Variants in CADPS observed in about 807,000 individuals in gnomAD.
CADPS encodes the protein calcium-dependent secretion activator 1.
Under a neutral mutation model 167.3 loss-of-function variants are expected in CADPS, and 57 were observed. The ratio of observed to expected loss-of-function variants is 0.34; its 90% CI spans 0.28 to 0.42. The LOEUF (loss-of-function observed/expected upper bound fraction) is 0.42, where lower values mean the gene tolerates loss of function less well. Among genes scored for constraint, CADPS ranks in the 20% least tolerant of loss-of-function variants. The probability of loss-of-function intolerance (pLI) is 1.00; values close to 1 mark genes in which losing one functional copy is unlikely to be tolerated. For synonymous variants in CADPS, 676 were observed against 635.3 expected, an observed-to-expected ratio of 1.06 and a Z score of -0.96; for missense variants, 1,414 against 1,738.1, an observed-to-expected ratio of 0.81 and a Z score of 3.32.
intron 3 of CADPS, among the ~76,000 whole-genome samples, chr3:62,701,019 C>A (rs1353230714): frequency 6.6e-6 from 1 of 152,038 alleles, no homozygotes; most frequent in African/African-American, 2.4e-5. Context: ...CAAGAGAGCT[C>A]TCTGCTCTCT....
At chr3:62,705,502 A>C (rs1315253123) in intron 3 of CADPS, among the ~76,000 whole-genome samples, 3 of 152,056 alleles carry the variant, frequency 2.0e-5, no homozygotes, top group Non-Finnish European at 2.9e-5. Flanking sequence ...GGAGATTAAC[A>C]TTTGAGTCAG....
Position 62,827,024 on chromosome 3 carries a change from T to C in CADPS, c.441+47565A>G, listed in dbSNP as rs544426473. Among the ~76,000 whole-genome samples, 70 of 152,284 alleles carry C rather than the reference T, an allele frequency of 4.6e-4. 1 individual carries two copies. The highest frequency in any genetic ancestry group is 2.5e-3 in the South Asian group (12 of 4,830). On this transcript the variant is annotated intron_variant, in intron 1 of 29. Transcript: ENST00000383710. ...CAAGAATTTCACATCAACTGTTAAC[T>C]GCCTGTTAATGGTTTTGATGGAAGG...
At position 62,567,970 on chromosome 3, in the gene CADPS, C is replaced by T. The variant is rs144836866; in HGVS notation, c.1644+2902G>A. Among the ~76,000 whole-genome samples the T allele has an allele frequency of 7.2e-3, 1,093 of 152,242 alleles. 18 individuals carry two copies. The highest frequency in any genetic ancestry group is 0.025 in the African/African-American group (1,035 of 41,534). ...TTTACCTTCCCAGTATCCATTTCTC[C>T]TTCTGGTAATGGCATCCTGATTTTG... On this transcript the variant is annotated intron_variant, in intron 9 of 29. Coordinates refer to ENST00000383710, the MANE Select transcript of CADPS (RefSeq NM_003716.4).
intron 6 of CADPS, among the ~76,000 whole-genome samples, chr3:62,617,173 A>G (rs906480962): frequency 3.3e-5 from 5 of 152,180 alleles, no homozygotes; most frequent in Admixed American, 1.3e-4. Flanking sequence ...CAGAGGAACT[A>G]AACAGTTTGG....
intron 8 of CADPS, among the ~76,000 whole-genome samples, chr3:62,581,135 AGTT>A (rs1334278327): frequency 6.6e-6 from 1 of 152,194 alleles, no homozygotes; most frequent in African/African-American, 2.4e-5. Context: ...TTGCATTTCT[AGTT>A]GTTATAGTTA....
chr3:62,681,631 A>C (rs1228474252), intron 3 of CADPS, among the ~76,000 whole-genome samples: 1 of 152,098 alleles, frequency 6.6e-6, no homozygotes. Flanking sequence ...TAGGCCCTGA[A>C]GAATGAAATA....
At chr3:62,866,275 T>C (rs888439786) in intron 1 of CADPS, among the ~76,000 whole-genome samples, 1 of 152,092 alleles carries the variant, frequency 6.6e-6, no homozygotes, top group Non-Finnish European at 1.5e-5. Flanking sequence ...TGAGAAGCTT[T>C]TATAAAAGTA....
chr3:62,765,656 T>C (rs1320625089), intron 2 of CADPS, among the ~76,000 whole-genome samples: 1 of 152,200 alleles, frequency 6.6e-6, no homozygotes, highest in Admixed American at 6.5e-5. Flanking sequence ...TATTGCCTGG[T>C]ATAAAATTCC....
At chr3:62,765,774 A>G (rs912176473) in intron 2 of CADPS, 97 bp downstream of exon 2, 2 of 675,342 alleles carry the variant, frequency 3.0e-6, no homozygotes, top group Non-Finnish European at 5.2e-6. Context: ...ATGATACTGT[A>G]GTAAACCAAA....
chr3:62,636,462 A>G (rs1377041193), intron 6 of CADPS, among the ~76,000 whole-genome samples: 1 of 152,168 alleles, frequency 6.6e-6, no homozygotes, highest in African/African-American at 2.4e-5. Context: ...AATCCTTACC[A>G]AGGAACCCAG....
chr3:62,700,165 G>C (rs996297380), intron 3 of CADPS, among the ~76,000 whole-genome samples: 1 of 152,028 alleles, frequency 6.6e-6, no homozygotes, highest in Non-Finnish European at 1.5e-5. Flanking sequence ...AAGACCTATG[G>C]TAAGAAATAT....
chr3:62,811,558 A>G (rs2152870348), intron 1 of CADPS, among the ~76,000 whole-genome samples: 1 of 152,344 alleles, frequency 6.6e-6, no homozygotes, highest in Non-Finnish European at 1.5e-5. Context: ...TCTCAATCCT[A>G]TCCCATCATT....
chr3:62,777,385 G>T (rs2090560226), intron 1 of CADPS, among the ~76,000 whole-genome samples: 1 of 152,174 alleles, frequency 6.6e-6, no homozygotes, highest in Non-Finnish European at 1.5e-5. Context: ...CAGGCTGCTG[G>T]GGGATGTGGA....
At chr3:62,793,088 C>G (rs304219) in intron 1 of CADPS, among the ~76,000 whole-genome samples, 141,247 of 152,228 alleles carry the variant, frequency 0.93, 65,569 homozygotes, top group East Asian at 1. Flanking sequence ...CTGCCTAAAA[C>G]TTGTCAGCAT....
intron 20 of CADPS, among the ~76,000 whole-genome samples, 196 bp from the exon 21 acceptor site, chr3:62,491,676 T>C (rs2063763230): frequency 6.6e-6 from 1 of 151,822 alleles, no homozygotes; most frequent in African/African-American, 2.4e-5. Flanking sequence ...AGCATTGAAA[T>C]GGAATTCAAA....
chr3:62,779,448 G>T, intron 1 of CADPS: 2 of 522,312 alleles, frequency 3.8e-6, no homozygotes, highest in South Asian at 3.0e-5. Flanking sequence ...TCCTCATTTT[G>T]CCTTCATGAC....
At chr3:62,800,409 G>T (rs575154577) in intron 1 of CADPS, among the ~76,000 whole-genome samples, 1 of 152,208 alleles carries the variant, frequency 6.6e-6, no homozygotes, top group African/African-American at 2.4e-5. Flanking sequence ...CACTCCCTTT[G>T]AAGGTACTAA....
At chr3:62,549,171 A>C (rs1455000842) in intron 11 of CADPS, among the ~76,000 whole-genome samples, 1 of 152,224 alleles carries the variant, frequency 6.6e-6, no homozygotes, top group Non-Finnish European at 1.5e-5. Context: ...AATGTTTGGA[A>C]CGAAAATGAA....
intron 6 of CADPS, among the ~76,000 whole-genome samples, chr3:62,645,176 C>T (rs1237924895): frequency 3.9e-5 from 6 of 152,172 alleles, no homozygotes; most frequent in South Asian, 4.2e-4. Context: ...AAGAATGATA[C>T]AATGGACTTT....
Sources: allele counts gnomAD v4.1 joint callset (sites outside exome capture counted in the v4.1 genomes callset), GRCh38; gene constraint gnomAD v4.1.1; transcripts MANE v1.5; gene names NCBI Gene and HGNC (gene_info 2026-07-23, HGNC 2026-07-21).